Variants in HIP1 observed in about 807,000 individuals in gnomAD.
HIP1 encodes huntingtin interacting protein 1, also known as huntingtin-interacting protein 1.
HIP1 carries 65 observed loss-of-function variants against 147.6 expected under a neutral mutation model. That is an observed-to-expected ratio of 0.44 (90% confidence interval 0.36 to 0.54). The LOEUF is 0.54. Among genes scored for constraint, HIP1 ranks in the 20% least tolerant of loss-of-function variants. The pLI, the probability that HIP1 is intolerant of heterozygous loss-of-function variation, is 0.00. For missense variants in HIP1, 1,061 were observed against 1,299.6 expected (o/e 0.82, Z 2.82); for synonymous variants, 479 against 504.0 (o/e 0.95, Z 0.67).
chr7:75,541,907 T>TGG lies in HIP1; in HGVS notation c.2952+10_2952+11dup. 1 of 1,599,510 alleles carries TGG rather than the reference T, an allele frequency of 6.3e-7. No individual in the cohort carries two copies. The highest frequency in any genetic ancestry group is 8.6e-7 in the Non-Finnish European group (1 of 1,166,588). On this transcript the variant is annotated intron_variant, in intron 29 of 30. Coordinates refer to ENST00000336926, the MANE Select transcript of HIP1 (RefSeq NM_005338.7). ...AATAGAGGCTATCTAGACTTACAGA[T>TGG]GGAGCTCTCACCTGAGAATCCATCT... is the stretch of plus-strand genomic sequence containing the variant.
chr7:75,553,856 G>A lies in HIP1; in HGVS notation c.2158+257C>T, dbSNP rs138276191. ...TGACCTCAGGTGATCTGCCCACCTC[G>A]TCCTCCCAAAGTGTTACGGCGATTA... On this transcript the variant is annotated intron_variant, in intron 21 of 30. Coordinates refer to ENST00000336926, the MANE Select transcript of HIP1 (RefSeq NM_005338.7). 1.3e-3 allele frequency among the ~76,000 whole-genome samples: 203 copies of A among 152,062 alleles called. 1 individual carries two copies. The highest frequency in any genetic ancestry group is 1.9e-3 in the Admixed American group (29 of 15,276).
At chr7:75,605,359 G>C (rs987400605) in intron 1 of HIP1, among the ~76,000 whole-genome samples, 1 of 150,444 alleles carries the variant, frequency 6.6e-6, no homozygotes, top group Non-Finnish European at 1.5e-5. Flanking sequence ...CCTGAGGGCC[G>C]GGGGGGATGG....
chr7:75,660,216 TAAAAA>T (rs66778859), intron 1 of HIP1, among the ~76,000 whole-genome samples: 6 of 138,928 alleles, frequency 4.3e-5, no homozygotes, highest in African/African-American at 1.0e-4. Context: ...CGATACGTGG[TAAAAA>T]AAAAAAAAAA....
chr7:75,580,768 G>C (rs1459377865), intron 7 of HIP1, among the ~76,000 whole-genome samples: 1 of 151,712 alleles, frequency 6.6e-6, no homozygotes, highest in African/African-American at 2.4e-5. Flanking sequence ...TTGAGATGAA[G>C]TCTTGCTGTA....
At chr7:75,606,037 C>T (rs1584870400) in intron 1 of HIP1, among the ~76,000 whole-genome samples, 1 of 151,938 alleles carries the variant, frequency 6.6e-6, no homozygotes, top group Non-Finnish European at 1.5e-5. Context: ...TAAATAGAGA[C>T]GGGGTCTCAT....
intron 1 of HIP1, among the ~76,000 whole-genome samples, chr7:75,660,259 G>T (rs1042837956): frequency 6.0e-5 from 9 of 151,046 alleles, no homozygotes; most frequent in African/African-American, 2.2e-4. Context: ...TGGAGCAGTG[G>T]TTCATGCCTG....
intron 1 of HIP1, among the ~76,000 whole-genome samples, chr7:75,640,599 A>G (rs560197511): frequency 6.6e-6 from 1 of 152,098 alleles, no homozygotes; most frequent in East Asian, 1.9e-4. Context: ...CTAAAAATAC[A>G]AAAATTAGCC....
intron 2 of HIP1, among the ~76,000 whole-genome samples, chr7:75,595,302 C>CTTTCTTTCTTTCTG (rs1796697308): frequency 7.4e-6 from 1 of 134,800 alleles, no homozygotes; most frequent in African/African-American, 2.9e-5. Flanking sequence ...CTTTCTCTCT[C>CTTTCTTTCTTTCTG]TCCCTTCCTT....
rs894023750 is a variant in HIP1, at chr7:75,628,037, T to C, written c.121-28790A>G. 3.4e-4 allele frequency among the ~76,000 whole-genome samples: 51 copies of C among 152,236 alleles called. 1 individual carries two copies. The highest frequency in any genetic ancestry group is 2.8e-4 in the Non-Finnish European group (19 of 68,048). On this transcript the variant is annotated intron_variant, in intron 1 of 30. Coordinates refer to ENST00000336926, the MANE Select transcript of HIP1 (RefSeq NM_005338.7). ...TGCTAGGAATGAATGTGCTCACTCC[T>C]CTTTCACAATTCTTATCCAAGCATA...
intron 8 of HIP1, 74 bp downstream of exon 8, chr7:75,573,687 T>A: frequency 1.4e-6 from 2 of 1,478,178 alleles, no homozygotes; most frequent in Non-Finnish European, 1.9e-6. Context: ...TGCGTTTCTC[T>A]GGGGACATCC....
At chr7:75,630,295 C>T (rs1278970373) in intron 1 of HIP1, among the ~76,000 whole-genome samples, 9 of 150,178 alleles carry the variant, frequency 6.0e-5, no homozygotes, top group African/African-American at 2.2e-4. Flanking sequence ...TCCGTCTCTA[C>T]AAAACATACA....
chr7:75,572,225 GA>G (rs5884970), intron 8 of HIP1, among the ~76,000 whole-genome samples: 18,222 of 82,744 alleles, frequency 0.22, 1,145 homozygotes, highest in Middle Eastern at 0.31. Flanking sequence ...CTCTGTCTCA[GA>G]AAAAAAAAAA....
chr7:75,571,093 G>A (rs1795614474), intron 8 of HIP1, among the ~76,000 whole-genome samples: 2 of 152,088 alleles, frequency 1.3e-5, no homozygotes, highest in Admixed American at 1.3e-4. Context: ...CAGCCCAGAG[G>A]CAGTGTGGGT....
intron 1 of HIP1, among the ~76,000 whole-genome samples, chr7:75,615,716 T>C (rs1554505841): frequency 6.6e-6 from 1 of 151,970 alleles, no homozygotes; most frequent in African/African-American, 2.4e-5. Context: ...GAGGTTGCAG[T>C]TGAGCCGAGA....
At chr7:75,648,602 C>T (rs1554511451) in intron 1 of HIP1, among the ~76,000 whole-genome samples, 1 of 152,080 alleles carries the variant, frequency 6.6e-6, no homozygotes, top group African/African-American at 2.4e-5. Flanking sequence ...AGGTGCACCC[C>T]CAGAACCTTT....
At chr7:75,600,498 C>T (rs959538613) in intron 1 of HIP1, among the ~76,000 whole-genome samples, 1 of 152,138 alleles carries the variant, frequency 6.6e-6, no homozygotes, top group Admixed American at 6.6e-5. Flanking sequence ...ATCATGTAGG[C>T]TGTTTTCTTA....
intron 1 of HIP1, among the ~76,000 whole-genome samples, chr7:75,651,039 A>AT (rs1377645316): frequency 6.6e-6 from 1 of 152,068 alleles, no homozygotes; most frequent in Non-Finnish European, 1.5e-5. Context: ...CATCCCGCAC[A>AT]TTTCTTTTTG....
chr7:75,610,474 T>C (rs587697778), intron 1 of HIP1, among the ~76,000 whole-genome samples: 1 of 151,772 alleles, frequency 6.6e-6, no homozygotes. Context: ...CCTCCCAAAG[T>C]ACTGAGATAA....
Position 75,585,266 on chromosome 7 carries a change from C to A in HIP1, c.465+1487G>T, listed in dbSNP as rs1554499334. 2.6e-5 allele frequency among the ~76,000 whole-genome samples: 4 copies of A among 151,422 alleles called. 1 individual carries two copies. In the South Asian group the frequency reaches 6.3e-4, roughly 24 times the overall value. ...GAGGCAGCATCTCGGCTCGCTGCAA[C>A]CTCCGCCTCCCAGGTTCAAGCGATT... On this transcript the variant is annotated intron_variant, in intron 5 of 30. Coordinates refer to ENST00000336926, the MANE Select transcript of HIP1 (RefSeq NM_005338.7).
Sources: gnomAD v4.1 joint callset for allele counts (sites outside exome capture counted in the v4.1 genomes callset) on GRCh38, gnomAD v4.1.1 for gene constraint, MANE v1.5 for transcripts, NCBI Gene and HGNC (gene_info 2026-07-23, HGNC 2026-07-21) for gene names.